Variants in SRGAP3 observed in about 807,000 individuals in gnomAD.
The protein encoded by SRGAP3 is SLIT-ROBO Rho GTPase activating protein 3.
In SRGAP3, 39 loss-of-function variants were observed where a neutral mutation model predicts 121.1. The ratio of observed to expected loss-of-function variants is 0.32; its 90% CI spans 0.25 to 0.42. The LOEUF is 0.42. Among genes scored for constraint, SRGAP3 ranks in the 10% least tolerant of loss-of-function variants. The probability of loss-of-function intolerance (pLI) is 1.00; values close to 1 mark genes in which losing one functional copy is unlikely to be tolerated. For missense variants in SRGAP3, 1,213 were observed against 1,470.6 expected, an observed-to-expected ratio of 0.82 and a Z score of 2.86; for synonymous variants, 601 against 570.0, an observed-to-expected ratio of 1.05 and a Z score of -0.77.
Position 9,099,164 on chromosome 3 carries a change from C to T in SRGAP3, c.423+5516G>A, listed in dbSNP as rs887860961. Among the ~76,000 whole-genome samples the T allele has an allele frequency of 8.5e-5, 13 of 152,182 alleles. No individual in the cohort carries two copies. In the South Asian group the frequency reaches 1.7e-3, roughly 19 times the overall value. On this transcript the variant is annotated intron_variant, in intron 3 of 21. Transcript: ENST00000383836. ...AAAGCCCTGATTTATTTATAAAATG[C>T]GATGGACATCTTCGAGGCGGGAACG...
intron 3 of SRGAP3, among the ~76,000 whole-genome samples, chr3:9,320,072 A>G (rs1955414934): frequency 6.6e-6 from 1 of 151,858 alleles, no homozygotes; most frequent in Admixed American, 6.6e-5. Context: ...CTCAGGGGTG[A>G]GTGTGTGACC....
chr3:9,313,771 G>A (rs933957459), intron 3 of SRGAP3, among the ~76,000 whole-genome samples: 3 of 152,150 alleles, frequency 2.0e-5, no homozygotes, highest in Non-Finnish European at 4.4e-5. Flanking sequence ...GAGATGGACA[G>A]ATCACCTGAG....
intron 3 of SRGAP3, among the ~76,000 whole-genome samples, chr3:9,301,964 T>C (rs929438679): frequency 6.6e-6 from 1 of 152,220 alleles, no homozygotes; most frequent in African/African-American, 2.4e-5. Context: ...GCGAGGAGTA[T>C]GATGAATCAT....
chr3:9,258,504 G>C (rs1049742032), intron 3 of SRGAP3, among the ~76,000 whole-genome samples: 1 of 152,168 alleles, frequency 6.6e-6, no homozygotes. Flanking sequence ...TGGCCTTTGA[G>C]GAAGGTGACT....
intron 1 of SRGAP3, among the ~76,000 whole-genome samples, chr3:9,136,163 C>A (rs1949639010): frequency 6.6e-6 from 1 of 152,232 alleles, no homozygotes; most frequent in Non-Finnish European, 1.5e-5. Context: ...TCCTCGCAGG[C>A]CTGGCCCACG....
At chr3:8,994,135 G>T in intron 19 of SRGAP3, 1 of 681,920 alleles carries the variant, frequency 1.5e-6, no homozygotes, top group Non-Finnish European at 2.5e-6. Flanking sequence ...CACCGTTTCT[G>T]TGTGCTCAGA....
At chr3:9,180,980 G>A (rs185612681) in intron 1 of SRGAP3, among the ~76,000 whole-genome samples, 1 of 152,360 alleles carries the variant, frequency 6.6e-6, no homozygotes, top group East Asian at 1.9e-4. Flanking sequence ...ACAGATGTCT[G>A]GAGACACGGA....
At chr3:9,362,425 A>G (rs915243407) in intron 1 of SRGAP3, among the ~76,000 whole-genome samples, 2 of 149,684 alleles carry the variant, frequency 1.3e-5, no homozygotes, top group Non-Finnish European at 1.5e-5. Flanking sequence ...CAGCCTCCCA[A>G]AGTGCTGGGA....
chr3:9,032,134 G>A (rs1265780726), intron 12 of SRGAP3, among the ~76,000 whole-genome samples: 1 of 152,132 alleles, frequency 6.6e-6, no homozygotes, highest in African/African-American at 2.4e-5. Flanking sequence ...AGCAAAACTA[G>A]GTGGGAGGAT....
At chr3:9,275,612 A>G (rs1384560002) in intron 3 of SRGAP3, among the ~76,000 whole-genome samples, 3 of 152,158 alleles carry the variant, frequency 2.0e-5, no homozygotes, top group Non-Finnish European at 4.4e-5. Context: ...CTGGTAGTAA[A>G]TAAGGCTCAC....
chr3:9,303,947 G>C (rs1955112275), intron 3 of SRGAP3, among the ~76,000 whole-genome samples: 1 of 151,122 alleles, frequency 6.6e-6, no homozygotes, highest in South Asian at 2.1e-4. Flanking sequence ...AGTGAGACTT[G>C]AGTAAGTACT....
At chr3:9,249,819 T>G (rs578012812), upstream of SRGAP3, 7 of 195,816 alleles carry the variant, frequency 3.6e-5, no homozygotes, top group Middle Eastern at 1.8e-3. Context: ...AGTAATCGGG[T>G]TGGTAAGTCT....
intron 1 of SRGAP3, among the ~76,000 whole-genome samples, chr3:9,243,548 T>C (rs980347833): frequency 2.0e-5 from 3 of 151,336 alleles, no homozygotes; most frequent in African/African-American, 7.3e-5. Context: ...GGCACAAGAA[T>C]TGCTTGAACT....
chr3:9,032,670 T>A lies in SRGAP3; in HGVS notation c.1519A>T (p.Ser507Cys). 1 of 1,613,620 alleles carries A rather than the reference T, an allele frequency of 6.2e-7. No individual in the cohort carries two copies. Among genetic ancestry groups the A allele is most frequent in the Non-Finnish European group, 8.5e-7 (1 of 1,179,830 alleles). ...AGTACCTTAATGAATGCTTCCATAC[T>A]GCCGTTAAAGAGTTTATGGCTATAC... ...SVYSHKLFNG[S>C]MEAFIKDSGQ... is the part of the protein sequence containing the mutation. The change falls in exon 12 of 22, where the codon AGT (serine) becomes TGT (cysteine). Residue 507 changes from serine to cysteine, a missense_variant. Transcript: ENST00000383836.
chr3:9,342,908 G>A (rs556775028), intron 1 of SRGAP3, among the ~76,000 whole-genome samples: 70 of 152,342 alleles, frequency 4.6e-4, no homozygotes, highest in African/African-American at 1.6e-3. Context: ...AAGCTGAAAT[G>A]AAAGCAACCT....
Position 9,239,333 on chromosome 3 carries a change from T to C in SRGAP3, c.67+9552A>G, listed in dbSNP as rs1160032808. ...AGGCATAGGTTGCAGTGAGCCAAGG[T>C]TGCACCACTGCATTCCAGTCTGGGC... On this transcript the variant is annotated intron_variant, in intron 1 of 21. Transcript: ENST00000383836. This position sits in a 1 kb window ranked among gnomAD's most constrained non-coding sequence, Gnocchi z 4.0. Among the ~76,000 whole-genome samples the C allele has an allele frequency of 1.3e-5, 2 of 152,124 alleles. No homozygotes were observed. The highest frequency in any genetic ancestry group is 2.9e-5 in the Non-Finnish European group (2 of 68,026).
At chr3:9,238,141 G>A (rs978694540) in intron 1 of SRGAP3, among the ~76,000 whole-genome samples, 4 of 152,170 alleles carry the variant, frequency 2.6e-5, no homozygotes, top group African/African-American at 7.2e-5. Flanking sequence ...GCCAACTGTG[G>A]GTGAGAAGCT....
chr3:9,269,489 T>C (rs1954433103), intron 3 of SRGAP3, among the ~76,000 whole-genome samples: 1 of 152,220 alleles, frequency 6.6e-6, no homozygotes, highest in Non-Finnish European at 1.5e-5. Flanking sequence ...CCAATTCTTA[T>C]TTGGGAACCA....
intron 3 of SRGAP3, among the ~76,000 whole-genome samples, chr3:9,259,973 T>C (rs1038689225): frequency 1.6e-4 from 24 of 150,948 alleles, no homozygotes; most frequent in Non-Finnish European, 3.1e-4. Flanking sequence ...TGGGCCTGGT[T>C]AGACAGTGGG....
Sources: gnomAD v4.1 joint callset for allele counts (sites outside exome capture counted in the v4.1 genomes callset) on GRCh38, gnomAD v4.1.1 for gene constraint, Gnocchi (gnomAD v3.1) non-coding constraint, MANE v1.5 for transcripts, NCBI Gene and HGNC (gene_info 2026-07-23, HGNC 2026-07-21) for gene names.